CA10: variants seen among roughly 807,000 people sequenced by gnomAD.
CA10 encodes the protein carbonic anhydrase 10 (inactive), also known as carbonic anhydrase-related protein 10.
A neutral mutation model predicts 44.2 loss-of-function variants in CA10; 14 were observed. That is an observed-to-expected ratio of 0.32 (90% CI 0.21 to 0.50). CA10 has a LOEUF of 0.50. Ranked by LOEUF, CA10 falls within the 20% of genes least tolerant of loss-of-function variation. The pLI, the probability that CA10 is intolerant of heterozygous loss-of-function variation, is 0.99. For missense variants in CA10, 350 were observed against 409.7 expected, an observed-to-expected ratio of 0.85 and a Z score of 1.26; for synonymous variants, 159 against 141.6, an observed-to-expected ratio of 1.12 and a Z score of -0.87.
At chr17:51,966,797 T>G (rs1984094990) in intron 2 of CA10, among the ~76,000 whole-genome samples, 1 of 151,346 alleles carries the variant, frequency 6.6e-6, no homozygotes, top group Non-Finnish European at 1.5e-5. Flanking sequence ...AAATAAATTC[T>G]GCCTTGGGAC....
chr17:52,104,553 A>G (rs1316165361), intron 1 of CA10, among the ~76,000 whole-genome samples: 1 of 152,094 alleles, frequency 6.6e-6, no homozygotes, highest in African/African-American at 2.4e-5. Flanking sequence ...ACAAACAACA[A>G]TAACTACTGG....
chr17:51,784,337 C>T (rs1906176799), intron 3 of CA10, among the ~76,000 whole-genome samples: 1 of 152,086 alleles, frequency 6.6e-6, no homozygotes, highest in East Asian at 1.9e-4. Flanking sequence ...TCATTAGCCT[C>T]TGAAAGGTGT....
intron 2 of CA10, among the ~76,000 whole-genome samples, chr17:52,054,527 CA>C (rs1987169617): frequency 6.6e-6 from 1 of 152,102 alleles, no homozygotes; most frequent in Admixed American, 6.6e-5. Flanking sequence ...CCTTGTAAAA[CA>C]TGTGATCTCT....
intron 2 of CA10, among the ~76,000 whole-genome samples, chr17:52,044,005 C>T (rs1056182720): frequency 6.6e-6 from 1 of 152,030 alleles, no homozygotes; most frequent in African/African-American, 2.4e-5. Flanking sequence ...GGATGTTGGC[C>T]TGTAATGTTC....
At chr17:51,973,371 A>G (rs1984350080) in intron 2 of CA10, among the ~76,000 whole-genome samples, 1 of 152,216 alleles carries the variant, frequency 6.6e-6, no homozygotes, top group African/African-American at 2.4e-5. Flanking sequence ...ATCTTTCAGC[A>G]GGGAAGAGGA....
intron 4 of CA10, among the ~76,000 whole-genome samples, chr17:51,705,050 T>A (rs1915722706): frequency 6.6e-6 from 1 of 152,136 alleles, no homozygotes. Flanking sequence ...TGGATTCTAT[T>A]CCTCTTCGGC....
At chr17:52,139,749 G>A (rs1479936188) in intron 1 of CA10, among the ~76,000 whole-genome samples, 1 of 152,116 alleles carries the variant, frequency 6.6e-6, no homozygotes, top group Non-Finnish European at 1.5e-5. Flanking sequence ...GTGCTCCTCA[G>A]TGTTACCTGG....
At chr17:52,125,808 TTGTTTGGGGGTGACTGA>T (rs1273530902) in intron 1 of CA10, among the ~76,000 whole-genome samples, 4 of 152,182 alleles carry the variant, frequency 2.6e-5, no homozygotes, top group East Asian at 1.9e-4. Flanking sequence ...AGTGCTTCCA[TTGTTTGGGGGTGACTGA>T]TGTTTGGGGG....
chr17:52,018,152 C>T (rs956619559), intron 2 of CA10, among the ~76,000 whole-genome samples: 1 of 152,134 alleles, frequency 6.6e-6, no homozygotes. Flanking sequence ...TCAGAAAGAG[C>T]CTTTGCTAGG....
chr17:51,632,181 A>G (rs1912610096), intron 8 of CA10, among the ~76,000 whole-genome samples: 1 of 152,216 alleles, frequency 6.6e-6, no homozygotes, highest in Non-Finnish European at 1.5e-5. Flanking sequence ...AAAACTTAAC[A>G]TATTTACTCT....
chr17:52,131,107 A>AT (rs34257969), intron 1 of CA10, among the ~76,000 whole-genome samples: 99 of 150,348 alleles, frequency 6.6e-4, no homozygotes, highest in South Asian at 4.0e-3. Flanking sequence ...TTTTTATTTT[A>AT]TTTTTTTTTA....
At chr17:51,935,932 G>C (rs1982847427) in intron 2 of CA10, among the ~76,000 whole-genome samples, 1 of 152,136 alleles carries the variant, frequency 6.6e-6, no homozygotes. Context: ...TGACTTCTTT[G>C]TCCTAGAGAA....
intron 1 of CA10, among the ~76,000 whole-genome samples, chr17:52,128,720 C>A (rs954641775): frequency 6.6e-6 from 1 of 152,146 alleles, no homozygotes; most frequent in Admixed American, 6.5e-5. Flanking sequence ...CACTTCTAAA[C>A]CCTGTTTTCT....
rs118168975 is a variant in CA10, at chr17:52,115,747, G to A, written c.61+41979C>T. ...TGGCCAGCATTCCCTGCCATGCACC[G>A]GGAGTCTTCCCCTCTCCTGGCCAAG... On this transcript the variant is annotated intron_variant, in intron 1 of 8. Coordinates refer to ENST00000451037, the MANE Select transcript of CA10 (RefSeq NM_020178.5). 5.9e-3 allele frequency among the ~76,000 whole-genome samples: 899 copies of A among 152,278 alleles called. 7 individuals carry two copies. The highest frequency in any genetic ancestry group is 0.01 in the Middle Eastern group (3 of 294).
intron 2 of CA10, among the ~76,000 whole-genome samples, chr17:51,971,517 G>T (rs1984279288): frequency 6.6e-6 from 1 of 152,080 alleles, no homozygotes; most frequent in African/African-American, 2.4e-5. Context: ...ATTTGGGGAT[G>T]ATCTAGCTAG....
chr17:51,834,806 C>G (rs528936973), intron 3 of CA10, among the ~76,000 whole-genome samples: 13 of 152,202 alleles, frequency 8.5e-5, no homozygotes, highest in African/African-American at 2.6e-4. Context: ...ATATGGTTGT[C>G]GAGGGAATTA....
chr17:51,663,663 A>AAAT (rs1914096712), intron 4 of CA10, among the ~76,000 whole-genome samples: 1 of 152,238 alleles, frequency 6.6e-6, no homozygotes, highest in African/African-American at 2.4e-5. Context: ...AGGAGGCTTC[A>AAAT]AATGCAGTGC....
chr17:52,057,669 C>T (rs146757648), intron 2 of CA10, among the ~76,000 whole-genome samples: 17 of 152,180 alleles, frequency 1.1e-4, no homozygotes, highest in African/African-American at 3.6e-4. Context: ...TCAACAGTAA[C>T]TACAGCAATT....
intron 2 of CA10, among the ~76,000 whole-genome samples, chr17:52,058,794 C>G (rs189411092): frequency 6.6e-6 from 1 of 152,244 alleles, no homozygotes; most frequent in East Asian, 1.9e-4. Context: ...TTTTCTGCAG[C>G]CAATCCACAT....
Sources: allele counts gnomAD v4.1 joint callset (sites outside exome capture counted in the v4.1 genomes callset), GRCh38; gene constraint gnomAD v4.1.1; transcripts MANE v1.5; gene names NCBI Gene and HGNC (gene_info 2026-07-23, HGNC 2026-07-21).